Variants in TGIF1 observed in about 807,000 individuals in gnomAD.
TGIF1 encodes the protein homeobox protein TGIF1.
TGIF1 carries 4 observed loss-of-function variants against 19.3 expected under a neutral mutation model. That is an observed-to-expected ratio of 0.21 (90% CI 0.10 to 0.47). The LOEUF (loss-of-function observed/expected upper bound fraction) is 0.47. Among genes scored for constraint, TGIF1 ranks in the 20% least tolerant of loss-of-function variants. The probability of loss-of-function intolerance (pLI) is 0.98; values close to 1 mark genes in which losing one functional copy is unlikely to be tolerated. For synonymous variants in TGIF1, 122 were observed against 129.3 expected (o/e 0.94, Z 0.38); for missense variants, 275 against 341.4 (o/e 0.81, Z 1.53).
upstream of TGIF1, among the ~76,000 whole-genome samples, chr18:3,449,222 A>G (rs2082819684): frequency 6.6e-6 from 1 of 152,084 alleles, no homozygotes; most frequent in Non-Finnish European, 1.5e-5. Flanking sequence ...TTGAAATGGG[A>G]GGAGGGATCC....
chr18:3,451,637 A>C lies in TGIF1; in HGVS notation c.16+1132A>C. 2.7e-6 allele frequency: 3 copies of C among 1,105,978 alleles called. No homozygotes were observed. The highest frequency in any genetic ancestry group is 1.1e-6 in the Non-Finnish European group (1 of 908,274). 68.5% of individuals were successfully genotyped at this position (1,105,978 alleles called of 1,614,324 possible). On this transcript the variant is annotated intron_variant, in intron 1 of 2. Transcript: ENST00000343820. This position sits in a 1 kb window ranked among gnomAD's most constrained non-coding sequence, Gnocchi z 5.4. Reference sequence around the variant, plus strand: ...CCGCTGCGGGGCGTTCCTGGGGGGTAGCCTCAAGGCCAGCGGGGTTCCTTC... The same window carrying C: ...CCGCTGCGGGGCGTTCCTGGGGGGTCGCCTCAAGGCCAGCGGGGTTCCTTC...
intron 2 of TGIF1, among the ~76,000 whole-genome samples, chr18:3,423,369 G>C (rs2143148037): frequency 6.6e-6 from 1 of 152,070 alleles, no homozygotes; most frequent in East Asian, 1.9e-4. Context: ...AACATAGTGA[G>C]ACCCCGTCTC....
chr18:3,437,784 A>G (rs1898208921), intron 2 of TGIF1, among the ~76,000 whole-genome samples: 2 of 152,328 alleles, frequency 1.3e-5, no homozygotes, highest in South Asian at 4.1e-4. Context: ...TTTTGTGATC[A>G]GACAAGAAGT....
intron 2 of TGIF1, among the ~76,000 whole-genome samples, chr18:3,443,109 G>A (rs2082695016): frequency 6.6e-6 from 1 of 152,174 alleles, no homozygotes; most frequent in Non-Finnish European, 1.5e-5. Flanking sequence ...CTAACATTCT[G>A]TTGGGCCCAG....
chr18:3,458,258 C>G lies in TGIF1; in HGVS notation c.*318C>G. 3.1e-6 allele frequency: 1 copy of G among 325,212 alleles called. No homozygotes were observed. Among genetic ancestry groups the G allele is most frequent in the Non-Finnish European group, 5.7e-6 (1 of 175,736 alleles). The allele number at this position is 325,212 out of a possible 1,614,324, so 20.1% of individuals were successfully genotyped here. On this transcript the variant is annotated 3_prime_UTR_variant, in exon 3 of 3. Transcript: ENST00000343820. ...TGTTATTTTTTCAGACTGTGCAATA[C>G]TTAGAGAACCTATAGCATCTTCTCA... is the stretch of plus-strand genomic sequence containing the variant.
chr18:3,452,804 T>TCTTAAAA, intron 1 of TGIF1, among the ~76,000 whole-genome samples: 1 of 152,298 alleles, frequency 6.6e-6, no homozygotes, highest in African/African-American at 2.4e-5. Context: ...GCAAATCTTT[T>TCTTAAAA]CAAGTTTTCT....
At chr18:3,449,480 CG>C (rs1364341691), upstream of TGIF1, 1 of 985,370 alleles carries the variant, frequency 1.0e-6, no homozygotes, top group Non-Finnish European at 1.2e-6. Flanking sequence ...CAATCCAGTC[CG>C]GAACTCGCAG....
chr18:3,413,715 C>T (rs1412323390), intron 1 of TGIF1, among the ~76,000 whole-genome samples: 1 of 152,002 alleles, frequency 6.6e-6, no homozygotes, highest in African/African-American at 2.4e-5. Flanking sequence ...ATAATTTTTT[C>T]AATTAAAAAA....
Position 3,457,220 on chromosome 18 carries a change from G to C in TGIF1, c.244-145G>C. 1.0e-6 allele frequency: 1 copy of C among 953,910 alleles called. No homozygotes were observed. The highest frequency in any genetic ancestry group is 1.6e-6 in the Non-Finnish European group (1 of 621,346). 59.1% of individuals were successfully genotyped at this position (953,910 alleles called of 1,614,324 possible). On this transcript the variant is annotated intron_variant, in intron 2 of 2. Coordinates refer to ENST00000343820, the MANE Select transcript of TGIF1 (RefSeq NM_003244.4). The surrounding 1 kb of genome is among the most constrained non-coding windows in gnomAD (Gnocchi z 4.9). ...TTTCTTGGCGGAGCTCAGATACCTT[G>C]AAATAACATTGTAAATTCAGATAAG...
At chr18:3,425,296 C>T (rs983121350) in intron 2 of TGIF1, among the ~76,000 whole-genome samples, 2 of 152,198 alleles carry the variant, frequency 1.3e-5, no homozygotes, top group African/African-American at 2.4e-5. Context: ...AAGCTAACCA[C>T]GGGAGAAATT....
At chr18:3,449,936 G>C, upstream of TGIF1, 2 of 986,506 alleles carry the variant, frequency 2.0e-6, no homozygotes, top group Non-Finnish European at 2.4e-6. Flanking sequence ...CCGGGCGAGG[G>C]ATGCGGGCGG....
intron 2 of TGIF1, among the ~76,000 whole-genome samples, chr18:3,431,800 G>A (rs539550647): frequency 1.3e-5 from 2 of 152,180 alleles, no homozygotes; most frequent in African/African-American, 2.4e-5. Context: ...TACCAGTAAG[G>A]GGACAAGCCC....
At chr18:3,434,118 G>A (rs947889478) in intron 2 of TGIF1, among the ~76,000 whole-genome samples, 6 of 152,164 alleles carry the variant, frequency 3.9e-5, no homozygotes, top group African/African-American at 9.7e-5. Context: ...GGCCAGGTGC[G>A]CTGGCTCATG....
At chr18:3,420,608 A>C (rs921850762) in intron 2 of TGIF1, among the ~76,000 whole-genome samples, 1 of 152,202 alleles carries the variant, frequency 6.6e-6, no homozygotes, top group African/African-American at 2.4e-5. Flanking sequence ...CGTTGTTTAC[A>C]AGAAACTCAC....
At chr18:3,453,511 A>AC (rs1357268976) in intron 1 of TGIF1, among the ~76,000 whole-genome samples, 11 of 151,608 alleles carry the variant, frequency 7.3e-5, no homozygotes, top group Admixed American at 2.0e-4. Context: ...ACATGGAGAA[A>AC]CCCCGTCTCT....
At chr18:3,444,664 C>T (rs1452427910) in intron 2 of TGIF1, among the ~76,000 whole-genome samples, 1 of 152,094 alleles carries the variant, frequency 6.6e-6, no homozygotes, top group Non-Finnish European at 1.5e-5. Flanking sequence ...CGGAGTCTCA[C>T]TCTGTCACCC....
upstream of TGIF1, chr18:3,449,931 C>A (rs574632900): frequency 3.0e-6 from 3 of 986,242 alleles, no homozygotes; most frequent in East Asian, 1.1e-4. Flanking sequence ...CACCGCCGGG[C>A]GAGGGATGCG....
intron 2 of TGIF1, among the ~76,000 whole-genome samples, chr18:3,426,929 T>C (rs976348995): frequency 6.7e-6 from 1 of 149,134 alleles, no homozygotes; most frequent in Admixed American, 6.7e-5. Context: ...TTTTTTTTTT[T>C]TTTTTTTTTT....
upstream of TGIF1, among the ~76,000 whole-genome samples, chr18:3,446,591 A>T (rs2082750542): frequency 6.6e-6 from 1 of 152,238 alleles, no homozygotes; most frequent in African/African-American, 2.4e-5. Context: ...GCAGGCTAGG[A>T]AAAGTGACTA....
Sources: gnomAD v4.1 joint callset for allele counts (sites outside exome capture counted in the v4.1 genomes callset) on GRCh38, gnomAD v4.1.1 for gene constraint, Gnocchi (gnomAD v3.1) non-coding constraint, MANE v1.5 for transcripts, NCBI Gene and HGNC (gene_info 2026-07-23, HGNC 2026-07-21) for gene names.